TBC1D1: variants seen among roughly 807,000 people sequenced by gnomAD.
TBC1D1 encodes TBC1 (tre-2/USP6, BUB2, cdc16) domain family, member 1.
A neutral mutation model predicts 125.6 loss-of-function variants in TBC1D1; 89 were observed. That is an observed-to-expected ratio of 0.71 (90% CI 0.60 to 0.85). The LOEUF (loss-of-function observed/expected upper bound fraction) is 0.85, where lower values mean the gene tolerates loss of function less well. TBC1D1 is among the 40% of genes least tolerant of loss of function. The pLI is 0.00. For synonymous variants in TBC1D1, 565 were observed against 564.1 expected (o/e 1.00, Z -0.02); for missense variants, 1,377 against 1,469.2 (o/e 0.94, Z 1.03).
At chr4:37,892,721 C>T (rs900416908) in intron 1 of TBC1D1, among the ~76,000 whole-genome samples, 1 of 152,186 alleles carries the variant, frequency 6.6e-6, no homozygotes, top group Non-Finnish European at 1.5e-5. Context: ...GCTGGGGCTT[C>T]CCCTTTTCAC....
chr4:37,937,787 G>A (rs1051168181), intron 2 of TBC1D1, among the ~76,000 whole-genome samples: 2 of 152,076 alleles, frequency 1.3e-5, no homozygotes, highest in African/African-American at 4.8e-5. Flanking sequence ...CTGAAGCCTC[G>A]GCCATGTGTG....
At chr4:38,044,291 T>C in intron 8 of TBC1D1, 71 bp from the exon 9 acceptor site, 1 of 1,524,730 alleles carries the variant, frequency 6.6e-7, no homozygotes. Flanking sequence ...AGATGTGTCC[T>C]AGAGATTTTT....
At chr4:37,993,572 A>G (rs1737111820) in intron 2 of TBC1D1, among the ~76,000 whole-genome samples, 1 of 150,772 alleles carries the variant, frequency 6.6e-6, no homozygotes, top group African/African-American at 2.4e-5. Context: ...GGGGCAAACA[A>G]CAAAGCTTTA....
Position 37,995,621 on chromosome 4 carries a change from C to T in TBC1D1, c.418-18888C>T, listed in dbSNP as rs887878653. 1.5e-4 allele frequency: 75 copies of T among 492,672 alleles called. No homozygotes were observed. Among genetic ancestry groups the T allele is most frequent in the African/African-American group, 1.3e-3 (66 of 51,146 alleles). The allele number at this position is 492,672 out of a possible 1,614,324, so 30.5% of individuals were successfully genotyped here. A position where few individuals can be genotyped will look rare whatever the true frequency, so the allele number is the denominator to read the frequency against. On this transcript the variant is annotated intron_variant, in intron 2 of 19. Coordinates refer to ENST00000261439, the MANE Select transcript of TBC1D1 (RefSeq NM_015173.4). This position sits in a 1 kb window ranked among gnomAD's most constrained non-coding sequence, Gnocchi z 4.3. ...ACCCTGGCCTTGACCTCCCCATAGG[C>T]TGTCTTATCTCACTTTTGCACCAAC...
chr4:38,006,739 A>G lies in TBC1D1; in HGVS notation c.418-7770A>G, dbSNP rs1740344486. On this transcript the variant is annotated intron_variant, in intron 2 of 19. Transcript: ENST00000261439. The stretch of plus-strand genomic sequence containing the variant: ...TGTGATCCGCCCACCTTGGCCTCCC[A>G]AAGTGCTGGGATTACAGGCGTGAGC... 9.6e-5 allele frequency: 38 copies of G among 394,434 alleles called. 1 individual carries two copies. The highest frequency in any genetic ancestry group is 8.0e-4 in the South Asian group (38 of 47,672). The allele number at this position is 394,434 out of a possible 1,614,324, so 24.4% of individuals were successfully genotyped here. A position where few individuals can be genotyped will look rare whatever the true frequency, so the allele number is the denominator to read the frequency against.
intron 2 of TBC1D1, among the ~76,000 whole-genome samples, chr4:37,932,177 C>T (rs1577918977): frequency 6.6e-6 from 1 of 152,218 alleles, no homozygotes; most frequent in Non-Finnish European, 1.5e-5. Flanking sequence ...GATGTGTCCA[C>T]ACTGAGCTCC....
In TBC1D1 at chr4:38,139,050, G is replaced by T. The variant is rs568197504; in HGVS notation, c.*1715G>T. ...CATTTGAGGACTTTGTTCTGCATCA[G>T]ATCTTACTATTTGAATGTTTACTGT... On this transcript the variant is annotated 3_prime_UTR_variant, in exon 20 of 20. Coordinates refer to ENST00000261439, the MANE Select transcript of TBC1D1 (RefSeq NM_015173.4). The T allele has an allele frequency of 4.6e-5, 7 of 152,602 alleles. No individual in the cohort carries two copies. The highest frequency in any genetic ancestry group is 1.0e-4 in the Non-Finnish European group (7 of 68,034). 9.5% of individuals were successfully genotyped at this position (152,602 alleles called of 1,614,324 possible). A position where few individuals can be genotyped will look rare whatever the true frequency, so the allele number is the denominator to read the frequency against.
chr4:38,100,344 G>T (rs1760086504), intron 14 of TBC1D1, among the ~76,000 whole-genome samples: 1 of 152,180 alleles, frequency 6.6e-6, no homozygotes, highest in Non-Finnish European at 1.5e-5. Flanking sequence ...GCCTCTTCCA[G>T]CTTCTGGTGT....
At position 38,117,998 on chromosome 4, in the gene TBC1D1, C is replaced by T. The variant is rs750118290; in HGVS notation, c.2803-35C>T. The stretch of plus-strand genomic sequence containing the variant: ...CATAACTTTATTGCTGTGGCAGATC[C>T]CTAATTCTCAGCCCTTGTGGCTGTC... On this transcript the variant is annotated intron_variant, in intron 16 of 19. Transcript: ENST00000261439. The T allele has an allele frequency of 7.5e-6, 12 of 1,607,826 alleles. No homozygotes were observed. In the South Asian group the frequency reaches 1.2e-4, roughly 16 times the overall value.
intron 12 of TBC1D1, among the ~76,000 whole-genome samples, chr4:38,060,961 C>T (rs148233018): frequency 6.6e-6 from 1 of 152,284 alleles, no homozygotes; most frequent in Admixed American, 6.5e-5. Flanking sequence ...GCCTGTCTGT[C>T]AGGCTGCCCT....
chr4:37,939,678 C>G (rs1395118567), intron 2 of TBC1D1, among the ~76,000 whole-genome samples: 2 of 152,034 alleles, frequency 1.3e-5, no homozygotes, highest in African/African-American at 4.8e-5. Context: ...AGTCTTTAAC[C>G]CATCTTGAAT....
At chr4:38,058,313 C>T (rs1232893819) in intron 12 of TBC1D1, among the ~76,000 whole-genome samples, 1 of 152,218 alleles carries the variant, frequency 6.6e-6, no homozygotes, top group South Asian at 2.1e-4. Flanking sequence ...ACTAGCAGGT[C>T]TCCATATGTT....
At position 38,049,721 on chromosome 4, in the gene TBC1D1, C is replaced by T. The variant is rs775014920; in HGVS notation, c.1733C>T (p.Pro578Leu). 2 of 1,614,204 alleles carry T rather than the reference C, an allele frequency of 1.2e-6. No homozygotes were observed. Among genetic ancestry groups the T allele is most frequent in the Admixed American group, 1.7e-5 (1 of 60,036 alleles). The stretch of plus-strand genomic sequence containing the variant: ...TCCAGTGACTCGGAGAGTCATCTCC[C>T]AGAAGAGCCAGCTCCGCTGTCGCCC... The change falls in exon 11 of 20, where the codon CCA becomes CTA. Residue 578 changes from proline (P) to leucine (L), a missense_variant. Around this residue, in one of 3 missense-constraint regions of TBC1D1, gnomAD observed 822 missense variants for 824.6 expected, o/e 1.00. Coordinates refer to ENST00000261439, the MANE Select transcript of TBC1D1 (RefSeq NM_015173.4).
intron 2 of TBC1D1, among the ~76,000 whole-genome samples, chr4:37,964,002 A>G (rs1306814769): frequency 6.6e-6 from 1 of 152,082 alleles, no homozygotes; most frequent in Non-Finnish European, 1.5e-5. Flanking sequence ...TTCTCACTGC[A>G]TTTATCACCC....
At chr4:38,071,750 T>C (rs1303409888) in intron 12 of TBC1D1, among the ~76,000 whole-genome samples, 1 of 152,206 alleles carries the variant, frequency 6.6e-6, no homozygotes, top group African/African-American at 2.4e-5. Flanking sequence ...TTTGCTTAAA[T>C]CTCTCATAAT....
Position 38,006,726 on chromosome 4 carries a change from A to T in TBC1D1, c.418-7783A>T, listed in dbSNP as rs187894603. 5.8e-4 allele frequency: 219 copies of T among 378,024 alleles called. 2 individuals carry two copies. The highest frequency in any genetic ancestry group is 4.3e-3 in the South Asian group (192 of 44,364). The allele number at this position is 378,024 out of a possible 1,614,324, so 23.4% of individuals were successfully genotyped here. A position where few individuals can be genotyped will look rare whatever the true frequency, so the allele number is the denominator to read the frequency against. The stretch of plus-strand genomic sequence containing the variant: ...AATCTCCTGACCTTGTGATCCGCCC[A>T]CCTTGGCCTCCCAAAGTGCTGGGAT... On this transcript the variant is annotated intron_variant, in intron 2 of 19. Transcript: ENST00000261439.
chr4:38,117,529 A>C (rs28733676), intron 16 of TBC1D1, among the ~76,000 whole-genome samples: 7,279 of 152,228 alleles, frequency 0.048, 584 homozygotes, highest in African/African-American at 0.17. Flanking sequence ...TATACACCAA[A>C]AGAAATTATG....
At chr4:37,991,402 A>G (rs919527350) in intron 2 of TBC1D1, among the ~76,000 whole-genome samples, 1 of 152,154 alleles carries the variant, frequency 6.6e-6, no homozygotes, top group Admixed American at 6.5e-5. Context: ...TTTTTGTGCT[A>G]ATCCTGACTG....
intron 6 of TBC1D1, among the ~76,000 whole-genome samples, chr4:38,022,834 G>A (rs1744324529): frequency 6.6e-6 from 1 of 152,140 alleles, no homozygotes; most frequent in South Asian, 2.1e-4. Flanking sequence ...TCTGTTTATG[G>A]GAGGATTTCT....
Sources: gnomAD v4.1 joint callset for allele counts (sites outside exome capture counted in the v4.1 genomes callset) on GRCh38, gnomAD v4.1.1 for gene constraint, gnomAD v4.1.1 regional missense constraint, Gnocchi (gnomAD v3.1) non-coding constraint, MANE v1.5 for transcripts, NCBI Gene and HGNC (gene_info 2026-07-23, HGNC 2026-07-21) for gene names.